The following APELA variants were observed in gnomAD, a reference collection of about 807,000 sequenced individuals.
APELA encodes protein Elabela.
chr4:164,894,521 A>G (rs1202110791), intron 2 of APELA, among the ~76,000 whole-genome samples: 3 of 151,768 alleles, frequency 2.0e-5, no homozygotes, highest in Admixed American at 1.3e-4. Flanking sequence ...GGTTCAAGCA[A>G]TTCTCGTGCC....
chr4:164,886,429 A>C (rs1394426109), intron 2 of APELA, among the ~76,000 whole-genome samples: 1 of 152,060 alleles, frequency 6.6e-6, no homozygotes, highest in Non-Finnish European at 1.5e-5. Flanking sequence ...AGGTGGGAGG[A>C]TCTTTTAAGA....
chr4:164,887,658 C>T (rs543176273), intron 2 of APELA, among the ~76,000 whole-genome samples: 5 of 151,780 alleles, frequency 3.3e-5, no homozygotes, highest in Non-Finnish European at 7.4e-5. Flanking sequence ...GTCACCCAGG[C>T]TGGATTGCAA....
chr4:164,887,384 G>T (rs1730795059), intron 2 of APELA, among the ~76,000 whole-genome samples: 1 of 151,844 alleles, frequency 6.6e-6, no homozygotes, highest in South Asian at 2.1e-4. Context: ...GGAATTTCAA[G>T]CTGTACTTAT....
chr4:164,893,361 G>A (rs1730916140), intron 2 of APELA, among the ~76,000 whole-genome samples: 1 of 152,052 alleles, frequency 6.6e-6, no homozygotes, highest in East Asian at 1.9e-4. Context: ...GTTTAGGAGT[G>A]TGTTGTTAAT....
intron 2 of APELA, among the ~76,000 whole-genome samples, chr4:164,889,812 CT>C (rs1730847499): frequency 6.6e-6 from 1 of 152,168 alleles, no homozygotes; most frequent in Admixed American, 6.5e-5. Context: ...CATGTTCAAA[CT>C]TTTTTCCTTG....
At chr4:164,884,151 GAAAGAAAGGAGA>G (rs1560858129) in intron 2 of APELA, among the ~76,000 whole-genome samples, 35 of 147,496 alleles carry the variant, frequency 2.4e-4, no homozygotes, top group African/African-American at 7.5e-4. Flanking sequence ...AAGAAAGAAA[GAAAGAAAGGAGA>G]AGAGAAAGAA....
Position 164,877,258 on chromosome 4 carries a change from G to C in APELA, c.-74G>C, listed in dbSNP as rs1730572366. ...ACTAGAATGTGAAGACAGCCACACA[G>C]ATATTGCACAGACTATTTACAGATC... is the stretch of plus-strand genomic sequence containing the variant. On this transcript the variant is annotated 5_prime_UTR_variant, in exon 1 of 3. Coordinates refer to ENST00000507152, the MANE Select transcript of APELA (RefSeq NM_001297550.2). 2 of 398,112 alleles carry C rather than the reference G, an allele frequency of 5.0e-6. No individual in the cohort carries two copies. The highest frequency in any genetic ancestry group is 2.6e-4 in the South Asian group (2 of 7,776). 24.7% of individuals were successfully genotyped at this position (398,112 alleles called of 1,614,324 possible). A position where few individuals can be genotyped will look rare whatever the true frequency, so the allele number is the denominator to read the frequency against.
At chr4:164,883,662 T>C (rs978285740) in intron 2 of APELA, among the ~76,000 whole-genome samples, 3 of 151,804 alleles carry the variant, frequency 2.0e-5, no homozygotes, top group African/African-American at 4.8e-5. Flanking sequence ...AATTTTAAGA[T>C]TTTTTGTAGA....
At chr4:164,880,007 C>T (rs904804360) in intron 2 of APELA, among the ~76,000 whole-genome samples, 5 of 152,120 alleles carry the variant, frequency 3.3e-5, no homozygotes, top group African/African-American at 1.2e-4. Flanking sequence ...AAACACTGTC[C>T]AAGTTTAAGT....
chr4:164,893,757 G>T (rs1282595038), intron 2 of APELA, among the ~76,000 whole-genome samples: 2 of 151,814 alleles, frequency 1.3e-5, no homozygotes, highest in Non-Finnish European at 2.9e-5. Context: ...TTGTTTGTTT[G>T]TTTTTTTACC....
chr4:164,886,884 G>A (rs1233536192), intron 2 of APELA, among the ~76,000 whole-genome samples: 1 of 151,614 alleles, frequency 6.6e-6, no homozygotes, highest in Non-Finnish European at 1.5e-5. Context: ...GTAGTGCAGT[G>A]GCACAATCTC....
chr4:164,890,667 C>T (rs150882766), intron 2 of APELA, among the ~76,000 whole-genome samples: 27 of 152,178 alleles, frequency 1.8e-4, no homozygotes, highest in Admixed American at 6.5e-4. Flanking sequence ...TGGGTTATTC[C>T]GGCTGTTTGG....
intron 2 of APELA, among the ~76,000 whole-genome samples, chr4:164,890,084 C>G (rs979207998): frequency 2.0e-5 from 3 of 152,092 alleles, no homozygotes; most frequent in Non-Finnish European, 4.4e-5. Flanking sequence ...TTTATCTTGA[C>G]TTTATTGATC....
chr4:164,892,738 G>T (rs764330393), intron 2 of APELA, among the ~76,000 whole-genome samples: 24 of 152,040 alleles, frequency 1.6e-4, no homozygotes, highest in Non-Finnish European at 3.1e-4. Flanking sequence ...GAAGCCATGT[G>T]GTTCTTTTTG....
chr4:164,884,620 G>A (rs1272464767), intron 2 of APELA, among the ~76,000 whole-genome samples: 1 of 151,930 alleles, frequency 6.6e-6, no homozygotes, highest in Non-Finnish European at 1.5e-5. Flanking sequence ...TTCAAGCTCT[G>A]GCCACACAGC....
At chr4:164,892,488 TA>T (rs1412441504) in intron 2 of APELA, among the ~76,000 whole-genome samples, 3 of 152,216 alleles carry the variant, frequency 2.0e-5, no homozygotes, top group African/African-American at 4.8e-5. Context: ...TAAATCCCAC[TA>T]AATCATAATG....
intron 2 of APELA, among the ~76,000 whole-genome samples, chr4:164,881,378 T>G (rs1730650033): frequency 6.6e-6 from 1 of 152,206 alleles, no homozygotes; most frequent in African/African-American, 2.4e-5. Context: ...AACCCTTTAT[T>G]AGAGTGTTCA....
intron 2 of APELA, among the ~76,000 whole-genome samples, chr4:164,883,613 A>G (rs959712374): frequency 1.3e-5 from 2 of 151,362 alleles, no homozygotes; most frequent in Non-Finnish European, 2.9e-5. Context: ...CAGCCTTCCA[A>G]GTATCTGACA....
Position 164,884,258 on chromosome 4 carries a change from T to C in APELA, c.*1+5249T>C, listed in dbSNP as rs527320263. Among the ~76,000 whole-genome samples, 8 of 152,252 alleles carry C rather than the reference T, an allele frequency of 5.3e-5. No homozygotes were observed. In the East Asian group the frequency reaches 1.2e-3, roughly 22 times the overall value. On this transcript the variant is annotated intron_variant, in intron 2 of 2. Transcript: ENST00000507152. ...AAGGAAAGAAAGAAGAGTTCCACCA[T>C]TGACTCCATAGTGCTCTCTAGCGAC...
Sources: gnomAD v4.1 joint callset for allele counts (sites outside exome capture counted in the v4.1 genomes callset) on GRCh38, gnomAD v4.1.1 for gene constraint, MANE v1.5 for transcripts, NCBI Gene and HGNC (gene_info 2026-07-23, HGNC 2026-07-21) for gene names.